The following MMD2 variants were observed in gnomAD, a reference collection of about 807,000 sequenced individuals.
The protein encoded by MMD2 is monocyte to macrophage differentiation associated 2.
In MMD2, 30 loss-of-function variants were observed where a neutral mutation model predicts 33.5. That is an observed-to-expected ratio of 0.90 (90% confidence interval 0.67 to 1.22). MMD2 has a LOEUF of 1.22. Ranked by LOEUF, MMD2 falls within the 50% of genes most tolerant of loss-of-function variation. MMD2 has a pLI of 0.00. For synonymous variants in MMD2, 129 were observed against 123.0 expected (o/e 1.05, Z -0.32); for missense variants, 364 against 325.4 (o/e 1.12, Z -0.91).
At chr7:4,950,384 C>T (rs1482989240) in intron 1 of MMD2, among the ~76,000 whole-genome samples, 2 of 152,184 alleles carry the variant, frequency 1.3e-5, no homozygotes, top group Non-Finnish European at 2.9e-5. Context: ...AGGCGTGAGC[C>T]ACTGCACCCA....
chr7:4,925,311 C>T, intron 2 of MMD2, 140 bp downstream of exon 2: 1 of 390,554 alleles, frequency 2.6e-6, no homozygotes, highest in Non-Finnish European at 4.1e-6. Context: ...CCTCGAGACG[C>T]CACAGTGGCC....
At chr7:4,948,790 G>GTT (rs528865334) in intron 1 of MMD2, among the ~76,000 whole-genome samples, 3 of 152,196 alleles carry the variant, frequency 2.0e-5, no homozygotes, top group Admixed American at 2.0e-4. Flanking sequence ...ACATTTTTGT[G>GTT]TTTTTTTCTT....
intron 1 of MMD2, among the ~76,000 whole-genome samples, chr7:4,925,776 T>C (rs1785409411): frequency 6.6e-6 from 1 of 152,188 alleles, no homozygotes; most frequent in East Asian, 1.9e-4. Context: ...GTTACAAAAT[T>C]TTACTAAATG....
chr7:4,943,035 A>C (rs1785955100), intron 1 of MMD2, among the ~76,000 whole-genome samples: 1 of 110,596 alleles, frequency 9.0e-6, no homozygotes, highest in South Asian at 3.2e-4. Context: ...TTTGAGACAG[A>C]GTCTCTCACT....
At chr7:4,922,951 A>C (rs1281085816) in intron 2 of MMD2, among the ~76,000 whole-genome samples, 1 of 152,192 alleles carries the variant, frequency 6.6e-6, no homozygotes, top group African/African-American at 2.4e-5. Flanking sequence ...GGGGCCTGGT[A>C]CCTGTGACTC....
intron 1 of MMD2, among the ~76,000 whole-genome samples, chr7:4,945,392 C>T (rs974087204): frequency 1.3e-5 from 2 of 151,194 alleles, no homozygotes; most frequent in Non-Finnish European, 1.5e-5. Flanking sequence ...CCTCAGCCTC[C>T]GGAGTGGCTG....
chr7:4,914,876 A>G lies in MMD2; in HGVS notation c.365+1129T>C, dbSNP rs558853547. On this transcript the variant is annotated intron_variant, in intron 4 of 6. Transcript: ENST00000401401. The stretch of plus-strand genomic sequence containing the variant: ...AACCCGGGAGGTGGAGGTTGCAGTG[A>G]GCCGAGATCATGCCACTGCACTCCA... Among the ~76,000 whole-genome samples the G allele has an allele frequency of 2.6e-5, 4 of 152,322 alleles. No individual in the cohort carries two copies. In the South Asian group the frequency reaches 8.3e-4, roughly 32 times the overall value.
chr7:4,893,685 C>T, the MMD2 span, among the ~76,000 whole-genome samples: 1 of 152,094 alleles, frequency 6.6e-6, no homozygotes, highest in African/African-American at 2.4e-5. Flanking sequence ...CCACCACACC[C>T]GGCCCAGTTA....
intron 1 of MMD2, among the ~76,000 whole-genome samples, chr7:4,944,863 G>A (rs1471425016): frequency 7.0e-6 from 1 of 143,300 alleles, no homozygotes; most frequent in Non-Finnish European, 1.5e-5. Flanking sequence ...CGCCTCCCAG[G>A]TTCACACCAT....
intron 2 of MMD2, among the ~76,000 whole-genome samples, chr7:4,923,755 G>A (rs917563467): frequency 1.1e-4 from 17 of 152,116 alleles, no homozygotes; most frequent in African/African-American, 3.9e-4. Context: ...GAGCCCCTAC[G>A]ATGCACACAG....
chr7:4,899,225 G>A, the MMD2 span, among the ~76,000 whole-genome samples: 1 of 152,098 alleles, frequency 6.6e-6, no homozygotes, highest in African/African-American at 2.4e-5. Context: ...AGAACCGTGA[G>A]AAATAAATTC....
the MMD2 span, among the ~76,000 whole-genome samples, chr7:4,897,722 T>C: frequency 2.0e-5 from 3 of 150,388 alleles, no homozygotes; most frequent in Non-Finnish European, 2.9e-5. Context: ...CTTTCTCCAG[T>C]GTATTTAATC....
downstream of MMD2, among the ~76,000 whole-genome samples, chr7:4,903,825 C>T (rs1784825725): frequency 6.6e-6 from 1 of 152,252 alleles, no homozygotes; most frequent in Non-Finnish European, 1.5e-5. Flanking sequence ...GACTGCTCTC[C>T]TGACTCCCTG....
At chr7:4,897,145 C>T in the MMD2 span, among the ~76,000 whole-genome samples, 1 of 151,466 alleles carries the variant, frequency 6.6e-6, no homozygotes, top group East Asian at 1.9e-4. Flanking sequence ...CAGGCATGAG[C>T]CACCACGCCC....
chr7:4,945,237 T>TTCTTCTTCTTCTTCTTCTTCTTCC (rs1451038341), intron 1 of MMD2, among the ~76,000 whole-genome samples: 3 of 147,116 alleles, frequency 2.0e-5, no homozygotes, highest in African/African-American at 7.6e-5. Context: ...CTTCTTCTTC[T>TTCTTCTTCTTCTTCTTCTTCTTCC]TCCTCTCTCT....
chr7:4,907,238 T>A lies in MMD2; in HGVS notation c.*158A>T. The A allele has an allele frequency of 1.5e-6, 1 of 659,304 alleles. No individual in the cohort carries two copies. Among genetic ancestry groups the A allele is most frequent in the Non-Finnish European group, 2.7e-6 (1 of 374,132 alleles). 40.8% of individuals were successfully genotyped at this position (659,304 alleles called of 1,614,324 possible). On this transcript the variant is annotated 3_prime_UTR_variant, in exon 7 of 7. Transcript: ENST00000401401. ...AAATGCTTTCTTTCTCGCTGGGGAC[T>A]CGAGGGATGATCTGGCTGTCACCAG...
intron 1 of MMD2, among the ~76,000 whole-genome samples, chr7:4,951,758 A>G (rs1786250009): frequency 6.6e-6 from 1 of 151,538 alleles, no homozygotes; most frequent in African/African-American, 2.4e-5. Flanking sequence ...AGCCACTACA[A>G]CTGGCTAATT....
intron 5 of MMD2, 96 bp downstream of exon 5, chr7:4,911,049 T>G: frequency 3.2e-5 from 33 of 1,045,098 alleles, no homozygotes; most frequent in Non-Finnish European, 4.1e-5. Context: ...CTCACGATTA[T>G]GAGATCATCC....
the MMD2 span, among the ~76,000 whole-genome samples, chr7:4,896,720 TAGAG>T: frequency 5.9e-5 from 9 of 152,214 alleles, no homozygotes; most frequent in African/African-American, 9.6e-5. Context: ...TATGCAGTAA[TAGAG>T]AGCTAATACA....
Sources: gnomAD v4.1 joint callset for allele counts (sites outside exome capture counted in the v4.1 genomes callset) on GRCh38, gnomAD v4.1.1 for gene constraint, MANE v1.5 for transcripts, NCBI Gene and HGNC (gene_info 2026-07-23, HGNC 2026-07-21) for gene names.